Variants in ZNF554 observed in about 807,000 individuals in gnomAD.
ZNF554 encodes zinc finger protein 554.
ZNF554 carries 15 observed loss-of-function variants against 21.2 expected under a neutral mutation model. The observed-to-expected ratio is 0.71, with a 90% CI of 0.47 to 1.09. The LOEUF (loss-of-function observed/expected upper bound fraction) is 1.09. ZNF554 is among the 50% of genes least tolerant of loss of function. The pLI is 0.00. For missense variants in ZNF554, 691 were observed against 662.7 expected (o/e 1.04, Z -0.47); for synonymous variants, 258 against 251.4 (o/e 1.03, Z -0.25).
At chr19:2,830,851 C>T (rs1055807681) in intron 3 of ZNF554, 1 of 152,244 alleles carries the variant, frequency 6.6e-6, no homozygotes, top group Non-Finnish European at 1.5e-5. Flanking sequence ...ACAACCTCCA[C>T]CTCCCAGGTT....
Position 2,834,471 on chromosome 19 carries a change from C to G in ZNF554, c.1236C>G (p.Asp412Glu). The G allele has an allele frequency of 6.2e-7, 1 of 1,614,046 alleles. No homozygotes were observed. The highest frequency in any genetic ancestry group is 8.5e-7 in the Non-Finnish European group (1 of 1,180,010). The change falls in exon 5 of 5, where the codon GAC (aspartate) becomes GAG (glutamate). Residue 412 changes from aspartate to glutamate, a missense_variant. Asp to Glu is a conservative substitution (Grantham distance 45). Coordinates refer to ENST00000317243, the MANE Select transcript of ZNF554 (RefSeq NM_001102651.2). ...HTGEKPYKCE[D>E]CGKSFCQSSY... Reference sequence around the variant, plus strand: ...GGGAAAAGCCCTATAAATGTGAAGACTGTGGGAAATCCTTCTGCCAGAGCT... The same window carrying G: ...GGGAAAAGCCCTATAAATGTGAAGAGTGTGGGAAATCCTTCTGCCAGAGCT...
chr19:2,823,166 C>G (rs1184305247), intron 2 of ZNF554, 54 bp downstream of exon 2: 1 of 1,551,144 alleles, frequency 6.4e-7, no homozygotes, highest in Non-Finnish European at 8.8e-7. Flanking sequence ...AGGGAACAAT[C>G]CCACCAGAAA....
In ZNF554 at chr19:2,821,534, G is replaced by C. The variant is rs1268766786; in HGVS notation, c.53+1410G>C. Reference sequence around the variant, plus strand: ...GTGCTTCTGAAGGCTCTGGCGGGAGGATCTTCTCTGTCTCTTCCAGCTTCT... The same window carrying C: ...GTGCTTCTGAAGGCTCTGGCGGGAGCATCTTCTCTGTCTCTTCCAGCTTCT... On this transcript the variant is annotated intron_variant, in intron 1 of 4. Transcript: ENST00000317243. The surrounding 1 kb of genome is among the most constrained non-coding windows in gnomAD (Gnocchi z 8.2). Among the ~76,000 whole-genome samples the C allele has an allele frequency of 6.6e-6, 1 of 151,926 alleles. No individual in the cohort carries two copies. The highest frequency in any genetic ancestry group is 1.5e-5 in the Non-Finnish European group (1 of 68,036).
intron 2 of ZNF554, among the ~76,000 whole-genome samples, chr19:2,825,910 CT>C (rs1269005360): frequency 6.6e-6 from 1 of 151,774 alleles, no homozygotes; most frequent in African/African-American, 2.4e-5. Context: ...TTCTTTCTTT[CT>C]TTTTTTGAGA....
At chr19:2,832,617 C>A in intron 4 of ZNF554, 123 bp downstream of exon 4, 1 of 969,108 alleles carries the variant, frequency 1.0e-6, no homozygotes, top group Non-Finnish European at 1.5e-6. Context: ...TCTCGGACAC[C>A]TTCAGTTCAT....
At position 2,821,934 on chromosome 19, in the gene ZNF554, A is replaced by T. The variant is rs531251501; in HGVS notation, c.54-1106A>T. Among the ~76,000 whole-genome samples, 1 of 152,110 alleles carries T rather than the reference A, an allele frequency of 6.6e-6. No individual in the cohort carries two copies. Among genetic ancestry groups the T allele is most frequent in the African/African-American group, 2.4e-5 (1 of 41,508 alleles). On this transcript the variant is annotated intron_variant, in intron 1 of 4. Coordinates refer to ENST00000317243, the MANE Select transcript of ZNF554 (RefSeq NM_001102651.2). This position sits in a 1 kb window ranked among gnomAD's most constrained non-coding sequence, Gnocchi z 8.2. ...CGCCTTGGCCTTTCAAAATGCTGGG[A>T]TTACAGACGTGAGTCACCTAGTCCA...
intron 4 of ZNF554, chr19:2,833,273 T>C (rs760049779): frequency 1.3e-4 from 21 of 161,940 alleles, no homozygotes; most frequent in Non-Finnish European, 2.6e-4. Flanking sequence ...AGTACAGGTG[T>C]GTGTGCCACC....
chr19:2,829,364 A>AT (rs2087381510), intron 3 of ZNF554, among the ~76,000 whole-genome samples: 1 of 150,658 alleles, frequency 6.6e-6, no homozygotes, highest in Non-Finnish European at 1.5e-5. Context: ...GTCTCAAAAA[A>AT]TATATATACA....
chr19:2,819,966 G>A lies in ZNF554; in HGVS notation c.-106G>A. On this transcript the variant is annotated 5_prime_UTR_variant, in exon 1 of 5. Coordinates refer to ENST00000317243, the MANE Select transcript of ZNF554 (RefSeq NM_001102651.2). ...GGGGGCGTCCGCTCCGAGCGCCGAG[G>A]AGCCGAGCGGAGGAGGCGTCCCAGG... 3 of 915,358 alleles carry A rather than the reference G, an allele frequency of 3.3e-6. No homozygotes were observed. The highest frequency in any genetic ancestry group is 4.2e-6 in the Non-Finnish European group (3 of 714,296). The allele number at this position is 915,358 out of a possible 1,614,324, so 56.7% of individuals were successfully genotyped here.
At chr19:2,820,907 A>G (rs922289773) in intron 1 of ZNF554, among the ~76,000 whole-genome samples, 126 of 148,844 alleles carry the variant, frequency 8.5e-4, no homozygotes, top group Non-Finnish European at 1.5e-3. Flanking sequence ...CAGGTGATCC[A>G]CCCGCCTCAG....
rs1337038814 is a variant in ZNF554, at chr19:2,821,505, C to T, written c.53+1381C>T. Among the ~76,000 whole-genome samples, 2 of 151,824 alleles carry T rather than the reference C, an allele frequency of 1.3e-5. No homozygotes were observed. The highest frequency in any genetic ancestry group is 6.6e-5 in the Admixed American group (1 of 15,260). ...GCCCAACATGAAGATGTGGTGGGGC[C>T]GTGGTGCTTCTGAAGGCTCTGGCGG... On this transcript the variant is annotated intron_variant, in intron 1 of 4. Transcript: ENST00000317243. This position sits in a 1 kb window ranked among gnomAD's most constrained non-coding sequence, Gnocchi z 8.2.
Position 2,823,179 on chromosome 19 carries a change from CAG to C in ZNF554, c.126+68_126+69del. 4.0e-6 allele frequency: 6 copies of C among 1,514,512 alleles called. No homozygotes were observed. In the Admixed American group the frequency reaches 9.1e-5, roughly 23 times the overall value. 93.8% of individuals were successfully genotyped at this position (1,514,512 alleles called of 1,614,324 possible). A position where few individuals can be genotyped will look rare whatever the true frequency, so the allele number is the denominator to read the frequency against. ...AGAGGGAACAATCCCACCAGAAACT[CAG>C]TCCTCGATAGAGGAGACCCCTTGCT... On this transcript the variant is annotated intron_variant, in intron 2 of 4. Transcript: ENST00000317243.
chr19:2,824,491 T>A (rs568769488), intron 2 of ZNF554, among the ~76,000 whole-genome samples: 1 of 152,216 alleles, frequency 6.6e-6, no homozygotes, highest in African/African-American at 2.4e-5. Context: ...CACCTTCCCC[T>A]GGAGAGCAGG....
chr19:2,822,891 T>C, intron 1 of ZNF554, 149 bp from the exon 2 acceptor site: 1 of 659,164 alleles, frequency 1.5e-6, no homozygotes, highest in East Asian at 2.7e-5. Context: ...ACACAAACCC[T>C]GGCTTCAGTC....
intron 1 of ZNF554, 135 bp downstream of exon 1, chr19:2,820,259 C>T (rs2087244744): frequency 2.3e-6 from 2 of 851,954 alleles, no homozygotes; most frequent in Non-Finnish European, 3.1e-6. Flanking sequence ...GGTCGGGAGC[C>T]GGCAGCTCGC....
chr19:2,832,749 C>T (rs948397012), intron 4 of ZNF554, among the ~76,000 whole-genome samples: 3 of 152,140 alleles, frequency 2.0e-5, no homozygotes, highest in Admixed American at 1.3e-4. Flanking sequence ...ACTCTGTGGC[C>T]CAGGCTGGAG....
At chr19:2,824,385 T>C (rs1222237720) in intron 2 of ZNF554, among the ~76,000 whole-genome samples, 1 of 152,060 alleles carries the variant, frequency 6.6e-6, no homozygotes, top group Non-Finnish European at 1.5e-5. Context: ...AGGACGGGGC[T>C]CCCACTAGCT....
rs552259233 is a variant in ZNF554 at position 2,826,802 on chromosome 19, C to T, written c.127-815C>T. Among the ~76,000 whole-genome samples the T allele has an allele frequency of 3.3e-5, 5 of 152,100 alleles. No individual in the cohort carries two copies. In the East Asian group the frequency reaches 5.8e-4, roughly 18 times the overall value. Reference sequence around the variant, plus strand: ...TCAGCCTCCCGAGTAGCTAGGACTACAGGCGCCCGCCATCATGCCCGGCTA... The same window carrying T: ...TCAGCCTCCCGAGTAGCTAGGACTATAGGCGCCCGCCATCATGCCCGGCTA... On this transcript the variant is annotated intron_variant, in intron 2 of 4. Transcript: ENST00000317243.
intron 2 of ZNF554, chr19:2,826,351 G>A (rs12232846): frequency 0.058 from 8,766 of 151,302 alleles, 363 homozygotes; most frequent in East Asian, 0.21. Context: ...CTACAGGTAC[G>A]TGCCACCACG....
Sources: allele counts gnomAD v4.1 joint callset (sites outside exome capture counted in the v4.1 genomes callset), GRCh38; gene constraint gnomAD v4.1.1; non-coding constraint Gnocchi (gnomAD v3.1); transcripts MANE v1.5; gene names NCBI Gene and HGNC (gene_info 2026-07-23, HGNC 2026-07-21).